MATN4: variants seen among roughly 807,000 people sequenced by gnomAD.
The protein encoded by MATN4 is matrilin 4.
MATN4 carries 40 observed loss-of-function variants against 54.6 expected under a neutral mutation model. The observed-to-expected ratio is 0.73, with a 90% CI of 0.57 to 0.95. The LOEUF is 0.95. Among genes scored for constraint, MATN4 ranks in the 40% least tolerant of loss-of-function variants. The probability of loss-of-function intolerance (pLI) is 0.00; values close to 1 mark genes in which losing one functional copy is unlikely to be tolerated. For missense variants in MATN4, 810 were observed against 819.1 expected (o/e 0.99, Z 0.13); for synonymous variants, 351 against 345.3 (o/e 1.02, Z -0.18).
rs1310839636 is a variant in MATN4, at chr20:45,293,739, C to T, written c.*28G>A. On this transcript the variant is annotated 3_prime_UTR_variant, in exon 10 of 10. Coordinates refer to ENST00000372756, the MANE Select transcript of MATN4 (RefSeq NM_001393530.1). ...GGGCACCGTCCGTGGTGCCGCGCCC[C>T]AGCCCGGGTCTGGGCCGTCCGTGGC... 2 of 1,583,530 alleles carry T rather than the reference C, an allele frequency of 1.3e-6. No individual in the cohort carries two copies. The highest frequency in any genetic ancestry group is 1.7e-6 in the Non-Finnish European group (2 of 1,169,166).
At chr20:45,306,433 A>G (rs1986678980) in intron 1 of MATN4, among the ~76,000 whole-genome samples, 1 of 152,192 alleles carries the variant, frequency 6.6e-6, no homozygotes, top group Non-Finnish European at 1.5e-5. Flanking sequence ...GAACCTCTGC[A>G]GACAGAAGCC....
chr20:45,306,640 G>C (rs1986704906), intron 1 of MATN4, among the ~76,000 whole-genome samples: 1 of 152,254 alleles, frequency 6.6e-6, no homozygotes, highest in Non-Finnish European at 1.5e-5. Flanking sequence ...AACCCACTGC[G>C]CACGAGAACG....
chr20:45,303,542 G>GGA, intron 3 of MATN4: 1 of 685,850 alleles, frequency 1.5e-6, no homozygotes, highest in Non-Finnish European at 2.8e-6. Context: ...AATCAGTAGG[G>GGA]AACAGATGGG....
chr20:45,300,984 G>A lies in MATN4; in HGVS notation c.915C>T (p.Asp305=), dbSNP rs573120267. ...CQVRDLCNGV[D]HGCEFQCVSE... ...TCACACACTGGAACTCACAGCCATG[G>A]TCCACGCCATTGCAAAGGTCCCGGA... Residue 305 remains aspartate (D), a synonymous_variant, in exon 6 of 10, where the codon GAC becomes GAT. Transcript: ENST00000372756. The A allele has an allele frequency of 7.4e-6, 12 of 1,614,086 alleles. No individual in the cohort carries two copies. The highest frequency in any genetic ancestry group is 1.0e-5 in the Non-Finnish European group (12 of 1,179,978).
rs961518451 is a variant in MATN4 at position 45,298,689 on chromosome 20, C to T, written c.1013-106G>A. 3.4e-6 allele frequency: 3 copies of T among 885,618 alleles called. No individual in the cohort carries two copies. The highest frequency in any genetic ancestry group is 3.1e-5 in the Admixed American group (1 of 32,518). The allele number at this position is 885,618 out of a possible 1,614,324, so 54.9% of individuals were successfully genotyped here. ...CAAACATTTATTATATAACAGACAA[C>T]ATTTCCTGAGTCCTTCCTGTGCCAG... is the stretch of plus-strand genomic sequence containing the variant. On this transcript the variant is annotated intron_variant, in intron 6 of 9. Transcript: ENST00000372756. This position sits in a 1 kb window ranked among gnomAD's most constrained non-coding sequence, Gnocchi z 4.6.
Position 45,305,549 on chromosome 20 carries a change from G to A in MATN4, c.34C>T (p.Leu12Phe). Residue 12 changes from leucine (L) to phenylalanine (F), a missense_variant, in exon 2 of 10, where the codon CTC (leucine) becomes TTC (phenylalanine). Transcript: ENST00000372756. ...TGGGTTTCCCAGGGCTGAAGAAGGA[G>A]CAGCAACACGGGCCAGCAAAGAAGG... ...RGLLCWPVLL[L>F]LLQPWETQLQ... 1 of 1,559,794 alleles carries A rather than the reference G, an allele frequency of 6.4e-7. No individual in the cohort carries two copies. The highest frequency in any genetic ancestry group is 1.4e-5 in the African/African-American group (1 of 73,484).
At chr20:45,296,766 A>G (rs1351268009) in intron 8 of MATN4, among the ~76,000 whole-genome samples, 2 of 152,082 alleles carry the variant, frequency 1.3e-5, no homozygotes, top group Admixed American at 6.6e-5. Flanking sequence ...TGGGGGAAGG[A>G]CTGTATGTGT....
At chr20:45,306,791 T>G in intron 1 of MATN4, 55 of 681,496 alleles carry the variant, frequency 8.1e-5, no homozygotes, top group South Asian at 1.5e-4. Flanking sequence ...CCCGGGGCCT[T>G]GGAGATAAGG....
At chr20:45,307,495 G>A (rs930022757) in intron 1 of MATN4, among the ~76,000 whole-genome samples, 1 of 152,194 alleles carries the variant, frequency 6.6e-6, no homozygotes, top group African/African-American at 2.4e-5. Context: ...TTGGGCCACA[G>A]GCAAAGCCAA....
At chr20:45,305,724 C>CTCTAT in intron 1 of MATN4, 108 bp from the exon 2 acceptor site, 1 of 451,602 alleles carries the variant, frequency 2.2e-6, no homozygotes, top group Non-Finnish European at 4.0e-6. Flanking sequence ...TTACTAATCT[C>CTCTAT]TCTATTTTTG....
intron 8 of MATN4, 113 bp downstream of exon 8, chr20:45,297,805 G>T: frequency 7.3e-7 from 1 of 1,370,442 alleles, no homozygotes; most frequent in Non-Finnish European, 1.0e-6. Context: ...GCTCTGTCTA[G>T]TGAGCCCAAC....
In MATN4 at chr20:45,299,877, CAAAAAAAAAAA is replaced by C. The variant is rs372123175; in HGVS notation, c.1012+999_1012+1009del. On this transcript the variant is annotated intron_variant, in intron 6 of 9. Transcript: ENST00000372756. ...CGAGAAACAGAGGGAGACTTAGTCT[CAAAAAAAAAAA>C]AAAAAAAAAAAGTCGAAGAGGGCTT... Among the ~76,000 whole-genome samples, 3 of 4,056 alleles carry C rather than the reference CAAAAAAAAAAA, an allele frequency of 7.4e-4. 1 individual carries two copies. Among genetic ancestry groups the C allele is most frequent in the African/African-American group, 3.1e-3 (3 of 980 alleles). The allele number at this position is 4,056 out of a possible 152,430, so 2.7% of individuals were successfully genotyped here.
chr20:45,303,437 T>C lies in MATN4; in HGVS notation c.643+791A>G, dbSNP rs1317593693. The C allele has an allele frequency of 1.3e-5, 9 of 717,170 alleles. No homozygotes were observed. The Admixed American group carries it at 1.8e-4, about 14-fold the overall frequency. 44.4% of individuals were successfully genotyped at this position (717,170 alleles called of 1,614,324 possible). A position where few individuals can be genotyped will look rare whatever the true frequency, so the allele number is the denominator to read the frequency against. ...GCTAGCTTGTAGCCTGGGTTGCAGG[T>C]GCAGTGGAACATGGCCCAGGCATTG... On this transcript the variant is annotated intron_variant, in intron 3 of 9. Coordinates refer to ENST00000372756, the MANE Select transcript of MATN4 (RefSeq NM_001393530.1).
rs1157572540 is a variant in MATN4 at position 45,298,217 on chromosome 20, C to T, written c.1379G>A (p.Arg460His). The change falls in exon 7 of 10, where the codon CGC becomes CAC. Residue 460 changes from arginine (R) to histidine (H), a missense_variant. By Grantham distance (29) the Arg-to-His change is conservative. Transcript: ENST00000372756. The surrounding 1 kb of genome is among the most constrained non-coding windows in gnomAD (Gnocchi z 4.6). ...CCACACCGAGATGTCATCCTGGGAG[C>T]GGCCATCCGTGAAGACCAGGCCAAC... ...PRVGLVFTDG[R>H]SQDDISVWAA... 4 of 1,604,730 alleles carry T rather than the reference C, an allele frequency of 2.5e-6. No individual in the cohort carries two copies. The highest frequency in any genetic ancestry group is 1.7e-5 in the Admixed American group (1 of 59,692).
chr20:45,306,881 C>A, intron 1 of MATN4: 1 of 1,254,982 alleles, frequency 8.0e-7, no homozygotes, highest in South Asian at 3.9e-5. Context: ...TGGACTCGTC[C>A]AGAGGGCGGC....
At chr20:45,299,576 G>C (rs193096629) in intron 6 of MATN4, among the ~76,000 whole-genome samples, 26 of 152,258 alleles carry the variant, frequency 1.7e-4, no homozygotes, top group Admixed American at 1.7e-3. Context: ...GCGCTTATGA[G>C]TAAAATTACT....
At position 45,298,204 on chromosome 20, in the gene MATN4, G is replaced by A. The variant is rs776599669; in HGVS notation, c.1392C>T (p.Asp464=). ...TGGCGCGCGCTGCCCACACCGAGAT[G>A]TCATCCTGGGAGCGGCCATCCGTGA... is the stretch of plus-strand genomic sequence containing the variant. The part of the protein sequence containing the change: ...LVFTDGRSQD[D]ISVWAARAKE... Residue 464 remains aspartate (D), a synonymous_variant, in exon 7 of 10, where the codon GAC becomes GAT. Transcript: ENST00000372756. This position sits in a 1 kb window ranked among gnomAD's most constrained non-coding sequence, Gnocchi z 4.6. 1.9e-6 allele frequency: 3 copies of A among 1,602,726 alleles called. No homozygotes were observed. The highest frequency in any genetic ancestry group is 2.2e-5 in the East Asian group (1 of 44,584).
At chr20:45,307,114 CTT>C (rs1986777110) in intron 1 of MATN4, among the ~76,000 whole-genome samples, 1 of 151,812 alleles carries the variant, frequency 6.6e-6, no homozygotes, top group Non-Finnish European at 1.5e-5. Flanking sequence ...CCTTCTCTCT[CTT>C]GAGGCCCCCT....
chr20:45,304,658 C>T lies in MATN4; in HGVS notation c.213G>A (p.Thr71=), dbSNP rs1486878734. The change falls in exon 3 of 10, where the codon ACG becomes ACA. Residue 71 remains threonine (T), a synonymous_variant. Coordinates refer to ENST00000372756, the MANE Select transcript of MATN4 (RefSeq NM_001393530.1). ...LRGLNVGPNA[T]RVGVIQYSSQ... The stretch of plus-strand genomic sequence containing the variant: ...TCGAATACTGGATCACGCCAACGCG[C>T]GTGGCGTTGGGACCCACGTTCAGGC... 6.2e-7 allele frequency: 1 copy of T among 1,612,228 alleles called. No homozygotes were observed.
Sources: allele counts gnomAD v4.1 joint callset (sites outside exome capture counted in the v4.1 genomes callset), GRCh38; gene constraint gnomAD v4.1.1; non-coding constraint Gnocchi (gnomAD v3.1); transcripts MANE v1.5; gene names NCBI Gene and HGNC (gene_info 2026-07-23, HGNC 2026-07-21).